Variants in STS observed in about 807,000 individuals in gnomAD.
The protein encoded by STS is steroid sulfatase.
In STS, 7 loss-of-function variants were observed where a neutral mutation model predicts 26.8. The ratio of observed to expected loss-of-function variants is 0.26; its 90% confidence interval spans 0.15 to 0.49. STS has a LOEUF of 0.49. STS is among the 20% of genes least tolerant of loss of function. STS has a pLI of 0.98. For synonymous variants in STS, 199 were observed against 189.4 expected, an observed-to-expected ratio of 1.05 and a Z score of -0.42; for missense variants, 434 against 465.6, an observed-to-expected ratio of 0.93 and a Z score of 0.63.
intron 3 of STS, among the ~76,000 whole-genome samples, chrX:7,254,016 C>G (rs1923276984): frequency 8.9e-6 from 1 of 112,031 alleles, no homozygotes; most frequent in East Asian, 2.8e-4. Context: ...AGGGAGCTCT[C>G]TGGGTCCCTT....
intron 7 of STS, among the ~76,000 whole-genome samples, chrX:7,292,269 C>T (rs760610080): frequency 1.8e-5 from 2 of 112,487 alleles, no homozygotes; most frequent in Admixed American, 1.9e-4. Context: ...TGCAGAACTT[C>T]CCGAGAGGGT....
At chrX:7,336,198 C>G (rs923096935) in intron 10 of STS, among the ~76,000 whole-genome samples, 11 of 109,488 alleles carry the variant, frequency 1.0e-4, no homozygotes, top group African/African-American at 3.7e-4. Context: ...TTCCCCTTTT[C>G]TCTAAGGGGC....
intron 6 of STS, among the ~76,000 whole-genome samples, chrX:7,265,010 C>T (rs1923931718): frequency 1.1e-5 from 1 of 91,664 alleles, no homozygotes; most frequent in Non-Finnish European, 2.1e-5. Context: ...ATTTTCTACC[C>T]CATTTTATTC....
At chrX:7,324,112 A>C (rs949341180) in intron 8 of STS, among the ~76,000 whole-genome samples, 2 of 110,439 alleles carry the variant, frequency 1.8e-5, no homozygotes, top group Non-Finnish European at 3.8e-5. Context: ...AGCATTAGTC[A>C]ATATATGTAA....
intron 7 of STS, among the ~76,000 whole-genome samples, chrX:7,289,374 A>G (rs1298264966): frequency 9.0e-6 from 1 of 111,250 alleles, no homozygotes; most frequent in East Asian, 2.9e-4. Context: ...TGGTGACTGT[A>G]CCCTCCAAGA....
rs984943088 is a variant in STS, at chrX:7,248,896, A to T, written c.-4-4300A>T. On this transcript the variant is annotated intron_variant, in intron 2 of 10. Transcript: ENST00000674429. The stretch of plus-strand genomic sequence containing the variant: ...CTGGGATTGAGTACTTATTTAAAAA[A>T]AATAATAATCTACCACCCATTTTTA... Among the ~76,000 whole-genome samples, 71 of 111,156 alleles carry T rather than the reference A, an allele frequency of 6.4e-4. 2 individuals carry two copies. The Admixed American group carries it at 6.7e-3, about 11-fold the overall frequency.
At chrX:7,212,968 A>C (rs1159550045) in intron 2 of STS, among the ~76,000 whole-genome samples, 1 of 111,196 alleles carries the variant, frequency 9.0e-6, no homozygotes, top group Non-Finnish European at 1.9e-5. Flanking sequence ...TAGTTGAGAC[A>C]CTCTCCTGAA....
At chrX:7,274,959 A>G (rs1418622046) in intron 6 of STS, among the ~76,000 whole-genome samples, 2 of 112,117 alleles carry the variant, frequency 1.8e-5, no homozygotes, top group Non-Finnish European at 3.8e-5. Context: ...ATTCACCTTT[A>G]AAAAGAACGT....
chrX:7,348,485 G>A (rs748566124), intron 10 of STS, among the ~76,000 whole-genome samples: 17 of 111,869 alleles, frequency 1.5e-4, no homozygotes, highest in Non-Finnish European at 2.6e-4. Context: ...GATTCTAGTC[G>A]GTTCATGCAT....
intron 1 of STS, among the ~76,000 whole-genome samples, 113 bp from the exon 2 acceptor site, chrX:7,190,767 C>CA (rs35514726): frequency 0.024 from 2,376 of 98,136 alleles, 29 homozygotes; most frequent in Non-Finnish European, 0.039. Context: ...GACCCTCTCT[C>CA]AAAAAAAAAA....
chrX:7,297,090 CA>C (rs1176141057), intron 7 of STS, among the ~76,000 whole-genome samples: 1 of 111,789 alleles, frequency 8.9e-6, no homozygotes, highest in Non-Finnish European at 1.9e-5. Context: ...AGTTATGTGT[CA>C]AATTGTCTGA....
intron 8 of STS, among the ~76,000 whole-genome samples, chrX:7,320,788 C>T (rs1926990472): frequency 9.0e-6 from 1 of 111,700 alleles, no homozygotes; most frequent in African/African-American, 3.3e-5. Flanking sequence ...CAGAGAATTA[C>T]CTTCAAGTGA....
chrX:7,239,664 T>C (rs1922496500), intron 2 of STS, among the ~76,000 whole-genome samples: 1 of 111,755 alleles, frequency 8.9e-6, no homozygotes, highest in Non-Finnish European at 1.9e-5. Context: ...AAAGGGAAAA[T>C]TATGCAGTTT....
intron 1 of STS, among the ~76,000 whole-genome samples, chrX:7,180,625 G>A (rs1419888743): frequency 4.5e-5 from 5 of 111,538 alleles, no homozygotes; most frequent in Non-Finnish European, 9.4e-5. Context: ...TCCAAAGCTC[G>A]CAGGCAAAAA....
At chrX:7,280,466 A>T (rs191805218) in intron 7 of STS, among the ~76,000 whole-genome samples, 84 of 112,189 alleles carry the variant, frequency 7.5e-4, no homozygotes, top group Non-Finnish European at 1.3e-3. Context: ...CTGATTTTCA[A>T]TCCCAGTTAA....
At position 7,351,170 on chromosome X, in the gene STS, A is replaced by G. The variant is rs1481850878; in HGVS notation, c.*909A>G. 2 of 112,205 alleles carry G rather than the reference A, an allele frequency of 1.8e-5. No homozygotes were observed. The highest frequency in any genetic ancestry group is 3.2e-5 in the African/African-American group (1 of 30,886). The allele number at this position is 112,205 out of a possible 1,213,427, so 9.2% of individuals were successfully genotyped here. ...GTTCTGAATTAAAAGCCCACTGTGG[A>G]GATGCTGTGGTTCATGGAATCTCTT... On this transcript the variant is annotated 3_prime_UTR_variant, in exon 11 of 11. Coordinates refer to ENST00000674429, the MANE Select transcript of STS (RefSeq NM_001320752.2).
Position 7,353,096 on chromosome X carries a change from G to A in STS, c.*2835G>A, listed in dbSNP as rs1288727784. 2.7e-5 allele frequency: 3 copies of A among 111,717 alleles called. No individual in the cohort carries two copies. The highest frequency in any genetic ancestry group is 1.9e-4 in the Admixed American group (2 of 10,446). 9.2% of individuals were successfully genotyped at this position (111,717 alleles called of 1,213,427 possible). A position where few individuals can be genotyped will look rare whatever the true frequency, so the allele number is the denominator to read the frequency against. On this transcript the variant is annotated 3_prime_UTR_variant, in exon 11 of 11. Transcript: ENST00000674429. Reference sequence around the variant, plus strand: ...GTGCGCTAATACCCTGCTTTCTATCGTGACTCAATTCAACAATGTGGGGAA... The same window carrying A: ...GTGCGCTAATACCCTGCTTTCTATCATGACTCAATTCAACAATGTGGGGAA...
intron 6 of STS, among the ~76,000 whole-genome samples, chrX:7,268,672 A>C (rs758502705): frequency 8.9e-6 from 1 of 111,916 alleles, no homozygotes; most frequent in Non-Finnish European, 1.9e-5. Context: ...ACTGCAGGTA[A>C]CACATGATTT....
intron 7 of STS, among the ~76,000 whole-genome samples, chrX:7,276,464 G>A (rs1924543253): frequency 9.0e-6 from 1 of 110,755 alleles, no homozygotes; most frequent in Admixed American, 9.6e-5. Flanking sequence ...CTGAGACCTT[G>A]TCTCTTAAAA....
Sources: gnomAD v4.1 joint callset for allele counts (sites outside exome capture counted in the v4.1 genomes callset) on GRCh38, gnomAD v4.1.1 for gene constraint, MANE v1.5 for transcripts, NCBI Gene and HGNC (gene_info 2026-07-23, HGNC 2026-07-21) for gene names.